ZDHHC21: variants seen among roughly 807,000 people sequenced by gnomAD.
ZDHHC21 encodes the protein palmitoyltransferase ZDHHC21.
In ZDHHC21, 15 loss-of-function variants were observed where a neutral mutation model predicts 34.6. The ratio of observed to expected loss-of-function variants is 0.43; its 90% CI spans 0.29 to 0.67. ZDHHC21 has a LOEUF of 0.67. Among genes scored for constraint, ZDHHC21 ranks in the 30% least tolerant of loss-of-function variants. The pLI is 0.14. For missense variants in ZDHHC21, 344 were observed against 327.7 expected (o/e 1.05, Z -0.38); for synonymous variants, 142 against 101.8 (o/e 1.40, Z -2.38).
chr9:14,601,831 T>C, the ZDHHC21 span, among the ~76,000 whole-genome samples: 1 of 152,076 alleles, frequency 6.6e-6, no homozygotes, highest in Non-Finnish European at 1.5e-5. Flanking sequence ...AACGGATGAG[T>C]TCATGTCCTT....
At chr9:14,623,156 C>CA (rs200679461) in intron 8 of ZDHHC21, among the ~76,000 whole-genome samples, 5,829 of 139,586 alleles carry the variant, frequency 0.042, 225 homozygotes, top group African/African-American at 0.1. Flanking sequence ...AAGGCAACAA[C>CA]AAAAAAAAAA....
At chr9:14,668,683 T>A (rs1274131711) in intron 5 of ZDHHC21, among the ~76,000 whole-genome samples, 1 of 147,052 alleles carries the variant, frequency 6.8e-6, no homozygotes, top group Non-Finnish European at 1.5e-5. Flanking sequence ...AACAGAGCCC[T>A]CAGAAATAAT....
chr9:14,591,713 C>T, the ZDHHC21 span, among the ~76,000 whole-genome samples: 1 of 152,024 alleles, frequency 6.6e-6, no homozygotes, highest in Non-Finnish European at 1.5e-5. Flanking sequence ...ATGAAAACTA[C>T]AAGAAAAAAG....
chr9:14,672,655 G>A (rs1005416053), intron 5 of ZDHHC21, among the ~76,000 whole-genome samples, 175 bp downstream of exon 5: 1 of 152,038 alleles, frequency 6.6e-6, no homozygotes, highest in Non-Finnish European at 1.5e-5. Context: ...CCGGGGTGCA[G>A]GGGGAGCAGG....
intron 2 of ZDHHC21, among the ~76,000 whole-genome samples, chr9:14,684,208 T>C (rs948162081): frequency 3.2e-4 from 48 of 150,788 alleles, no homozygotes; most frequent in African/African-American, 8.8e-4. Context: ...CCAGGGCAAT[T>C]AGGCAGGAGA....
At chr9:14,680,994 C>T (rs1837277047) in intron 2 of ZDHHC21, among the ~76,000 whole-genome samples, 2 of 152,084 alleles carry the variant, frequency 1.3e-5, no homozygotes, top group Non-Finnish European at 2.9e-5. Flanking sequence ...ACCAAGACAA[C>T]AGAATAAGCA....
At chr9:14,666,063 A>G (rs914207242) in intron 5 of ZDHHC21, among the ~76,000 whole-genome samples, 21 of 150,508 alleles carry the variant, frequency 1.4e-4, no homozygotes, top group African/African-American at 4.4e-4. Flanking sequence ...CAAATTGGAT[A>G]AAGAGTCAAG....
At chr9:14,659,008 A>G in intron 6 of ZDHHC21, 121 bp from the exon 7 acceptor site, 1 of 965,054 alleles carries the variant, frequency 1.0e-6, no homozygotes, top group Admixed American at 2.8e-5. Context: ...GAGATATGCT[A>G]TGGCCACTTG....
At chr9:14,662,909 G>A (rs1015499522) in intron 5 of ZDHHC21, among the ~76,000 whole-genome samples, 2 of 152,096 alleles carry the variant, frequency 1.3e-5, no homozygotes, top group African/African-American at 2.4e-5. Flanking sequence ...GATGTCATAT[G>A]GGTTTGGGAG....
chr9:14,688,803 A>G (rs899142827), intron 2 of ZDHHC21, among the ~76,000 whole-genome samples: 1 of 152,214 alleles, frequency 6.6e-6, no homozygotes, highest in Non-Finnish European at 1.5e-5. Context: ...CGGAGGTTGC[A>G]GTGAGCCGAG....
At chr9:14,682,632 A>G (rs960787949) in intron 2 of ZDHHC21, among the ~76,000 whole-genome samples, 15 of 152,184 alleles carry the variant, frequency 9.9e-5, no homozygotes, top group Non-Finnish European at 2.2e-4. Flanking sequence ...GATCAACGAG[A>G]CAGGAAGTTA....
chr9:14,644,185 A>C lies in ZDHHC21; in HGVS notation c.505-4173T>G, dbSNP rs145917729. 9.6e-3 allele frequency among the ~76,000 whole-genome samples: 1,460 copies of C among 152,230 alleles called. 27 individuals carry two copies. Among genetic ancestry groups the C allele is most frequent in the African/African-American group, 0.034 (1,401 of 41,538 alleles). On this transcript the variant is annotated intron_variant, in intron 7 of 9. Transcript: ENST00000380916. Reference sequence around the variant, plus strand: ...ATTTGCTATTAATTTCATTGTCTAAAGGTTTGTTTGTGAGCATATAAAAAT... The same window carrying C: ...ATTTGCTATTAATTTCATTGTCTAACGGTTTGTTTGTGAGCATATAAAAAT...
chr9:14,652,098 A>C (rs531949330), intron 7 of ZDHHC21, among the ~76,000 whole-genome samples: 2 of 152,102 alleles, frequency 1.3e-5, no homozygotes, highest in East Asian at 3.9e-4. Flanking sequence ...CAAAGTTTAT[A>C]ATCTTTATTG....
At position 14,626,975 on chromosome 9, in the gene ZDHHC21, T is replaced by A. The variant is rs181048487; in HGVS notation, c.622-7293A>T. On this transcript the variant is annotated intron_variant, in intron 8 of 9. Transcript: ENST00000380916. ...AAAATGCCTTACAGAGCTCCCTTTA[T>A]AGAAGTATATGTGAGCTGGGGTCAG... Among the ~76,000 whole-genome samples the A allele has an allele frequency of 3.3e-5, 5 of 152,180 alleles. No homozygotes were observed. The East Asian group carries it at 9.7e-4, about 29-fold the overall frequency.
At chr9:14,602,055 G>C in the ZDHHC21 span, among the ~76,000 whole-genome samples, 1 of 151,970 alleles carries the variant, frequency 6.6e-6, no homozygotes, top group African/African-American at 2.4e-5. Context: ...TAGGTGACGG[G>C]TTGATGGGTG....
intron 3 of ZDHHC21, among the ~76,000 whole-genome samples, chr9:14,676,434 G>T (rs1444106743): frequency 1.3e-5 from 2 of 151,594 alleles, no homozygotes; most frequent in Non-Finnish European, 2.9e-5. Flanking sequence ...AGAGATTAAG[G>T]AATACTTGAT....
At chr9:14,637,785 T>C (rs1022287052) in intron 8 of ZDHHC21, among the ~76,000 whole-genome samples, 3 of 151,856 alleles carry the variant, frequency 2.0e-5, no homozygotes, top group East Asian at 1.9e-4. Flanking sequence ...CCATTTACAA[T>C]AGCTCCAACA....
chr9:14,682,261 T>G (rs1345755817), intron 2 of ZDHHC21, among the ~76,000 whole-genome samples: 1 of 151,764 alleles, frequency 6.6e-6, no homozygotes. Flanking sequence ...GGATAAAGAG[T>G]CAAGACCCAT....
chr9:14,677,025 G>A (rs962391780), intron 3 of ZDHHC21, among the ~76,000 whole-genome samples: 1 of 151,820 alleles, frequency 6.6e-6, no homozygotes, highest in African/African-American at 2.4e-5. Flanking sequence ...CCAGCAAAAC[G>A]ACTGGCAAAA....
Sources: allele counts gnomAD v4.1 joint callset (sites outside exome capture counted in the v4.1 genomes callset), GRCh38; gene constraint gnomAD v4.1.1; transcripts MANE v1.5; gene names NCBI Gene and HGNC (gene_info 2026-07-23, HGNC 2026-07-21).